The following MYPN variants were observed in gnomAD, a reference collection of about 807,000 sequenced individuals.
The protein encoded by MYPN is myopalladin, also known as sarcomeric protein myopalladin, 145 kDa (MYOP).
Under a neutral mutation model 129.4 loss-of-function variants are expected in MYPN, and 63 were observed. The observed-to-expected ratio is 0.49, with a 90% CI of 0.40 to 0.60. The LOEUF is 0.60. MYPN is among the 20% of genes least tolerant of loss of function. The probability of loss-of-function intolerance (pLI) is 0.00; values close to 1 mark genes in which losing one functional copy is unlikely to be tolerated. For missense variants in MYPN, 1,596 were observed against 1,635.4 expected (o/e 0.98, Z 0.42); for synonymous variants, 629 against 600.9 (o/e 1.05, Z -0.68).
At position 68,099,951 on chromosome 10, in the gene MYPN, C is replaced by T. The variant is rs1431769871; in HGVS notation, c.-2+11959C>T. Among the ~76,000 whole-genome samples, 9 of 152,114 alleles carry T rather than the reference C, an allele frequency of 5.9e-5. No individual in the cohort carries two copies. In the South Asian group the frequency reaches 6.2e-4, roughly 11 times the overall value. On this transcript the variant is annotated intron_variant, in intron 1 of 6. Coordinates refer to the MYPN transcript ENST00000685154. ...GGTGTAGCAGACAAGAGCTGGGCTT[C>T]GGCGTTGTATGGACCTTAGATGTGA... is the stretch of plus-strand genomic sequence containing the variant.
chr10:68,099,862 T>C (rs2041973820), intron 1 of MYPN, among the ~76,000 whole-genome samples: 1 of 152,126 alleles, frequency 6.6e-6, no homozygotes, highest in South Asian at 2.1e-4. Context: ...ATCTTCTGTG[T>C]TTTTTTCCAA....
intron 13 of MYPN, among the ~76,000 whole-genome samples, chr10:68,192,472 C>T (rs10998008): frequency 0.63 from 94,828 of 149,458 alleles, 31,024 homozygotes; most frequent in Non-Finnish European, 0.72. Flanking sequence ...GTTGTTGTTG[C>T]TGTTGTTGTT....
At chr10:68,124,739 A>C (rs1226479832) in intron 2 of MYPN, among the ~76,000 whole-genome samples, 1 of 152,212 alleles carries the variant, frequency 6.6e-6, no homozygotes, top group East Asian at 1.9e-4. Context: ...TGGATAAAGA[A>C]ACAGGAAAAC....
At position 68,145,467 on chromosome 10, in the gene MYPN, T is replaced by A; in HGVS notation, c.1079-8T>A. 6.2e-7 allele frequency: 1 copy of A among 1,612,008 alleles called. No individual in the cohort carries two copies. On this transcript the variant is annotated splice_region_variant and splice_polypyrimidine_tract_variant and intron_variant, in intron 3 of 19. Coordinates refer to ENST00000358913, the MANE Select transcript of MYPN (RefSeq NM_032578.4). The stretch of plus-strand genomic sequence containing the variant: ...TAACAATCTTATGTCTTGTTTTTAT[T>A]TTTCCAGGGGTTTCTTCTTCTGACT...
chr10:68,178,910 T>A (rs1049175676), intron 12 of MYPN, among the ~76,000 whole-genome samples: 2 of 151,922 alleles, frequency 1.3e-5, no homozygotes, highest in Non-Finnish European at 2.9e-5. Context: ...CCAACTTTCC[T>A]CCTTGACCTC....
In MYPN at chr10:68,175,304, G is replaced by C. The variant is rs1402408003; in HGVS notation, c.2565-19G>C. The C allele has an allele frequency of 3.1e-6, 5 of 1,613,828 alleles. No homozygotes were observed. The highest frequency in any genetic ancestry group is 4.2e-6 in the Non-Finnish European group (5 of 1,179,844). On this transcript the variant is annotated intron_variant, in intron 11 of 19. Coordinates refer to ENST00000358913, the MANE Select transcript of MYPN (RefSeq NM_032578.4). ...CCAGTGCTTTTCATGGGTGTGTCAG[G>C]TGTGGATTTATCTTACAGGCCATCC...
In MYPN at chr10:68,199,693, C is replaced by G. The variant is rs71534279; in HGVS notation, c.3493+118C>G. 2.7e-5 allele frequency: 27 copies of G among 1,010,788 alleles called. No homozygotes were observed. The South Asian group carries it at 3.5e-4, about 13-fold the overall frequency. 62.6% of individuals were successfully genotyped at this position (1,010,788 alleles called of 1,614,324 possible). Reference sequence around the variant, plus strand: ...CCCTACTAACTCCAATCTCAATTTCCCCTTCACTGTGGTAGGGGTGGTATT... The same window carrying G: ...CCCTACTAACTCCAATCTCAATTTCGCCTTCACTGTGGTAGGGGTGGTATT... On this transcript the variant is annotated intron_variant, in intron 17 of 19. Transcript: ENST00000358913.
chr10:68,153,540 C>T (rs541480656), intron 6 of MYPN, among the ~76,000 whole-genome samples: 2 of 152,264 alleles, frequency 1.3e-5, no homozygotes, highest in East Asian at 3.9e-4. Context: ...CCTGACGAGG[C>T]TTTCTCAGCC....
Position 68,188,927 on chromosome 10 carries a change from A to C in MYPN, c.2726A>C (p.Glu909Ala), listed in dbSNP as rs1554849161. ...NQQEYKISSF[E>A]QRLMNEIEFR... ...CAGGAGTACAAAATTTCAAGCTTTGAGCAGAGGCTGATGAATGAAATAGAG... is the reference window on the plus strand; with the variant it reads ...CAGGAGTACAAAATTTCAAGCTTTGCGCAGAGGCTGATGAATGAAATAGAG... The change falls in exon 13 of 20, where the codon GAG becomes GCG. Residue 909 changes from glutamate (E) to alanine (A), a missense_variant. By Grantham distance (107) the Glu-to-Ala change is moderately radical. Transcript: ENST00000358913. 1.9e-6 allele frequency: 3 copies of C among 1,614,018 alleles called. No homozygotes were observed. The highest frequency in any genetic ancestry group is 2.5e-6 in the Non-Finnish European group (3 of 1,179,982).
chr10:68,164,482 C>T lies in MYPN; in HGVS notation c.1484-1220C>T, dbSNP rs955777502. The stretch of plus-strand genomic sequence containing the variant: ...TGGGGGACATGTTCAAATAGCAATA[C>T]TCAATACTACCTGCCATGCCCCACT... On this transcript the variant is annotated intron_variant, in intron 8 of 19. Transcript: ENST00000358913. Among the ~76,000 whole-genome samples, 8 of 152,344 alleles carry T rather than the reference C, an allele frequency of 5.3e-5. 1 individual carries two copies. In the South Asian group the frequency reaches 1.7e-3, roughly 32 times the overall value.
chr10:68,199,312 T>C, intron 16 of MYPN, 56 bp from the exon 17 acceptor site: 1 of 1,540,600 alleles, frequency 6.5e-7, no homozygotes, highest in Non-Finnish European at 8.9e-7. Flanking sequence ...AATTCAGCCA[T>C]CAAATAAATG....
In MYPN at chr10:68,166,170, C is replaced by G. The variant is rs1224583678; in HGVS notation, c.1601-124C>G. The G allele has an allele frequency of 7.2e-6, 8 of 1,112,060 alleles. No individual in the cohort carries two copies. The Admixed American group carries it at 1.4e-4, about 19-fold the overall frequency. The allele number at this position is 1,112,060 out of a possible 1,614,324, so 68.9% of individuals were successfully genotyped here. On this transcript the variant is annotated intron_variant, in intron 9 of 19. Coordinates refer to ENST00000358913, the MANE Select transcript of MYPN (RefSeq NM_032578.4). ...CATTCTTTAATGCCCAGATGATGAT[C>G]TGTTTTTGACAAGCATTTTCCCATT...
intron 2 of MYPN, among the ~76,000 whole-genome samples, chr10:68,130,302 A>G (rs1203875277): frequency 1.3e-5 from 2 of 152,162 alleles, no homozygotes; most frequent in African/African-American, 4.8e-5. Flanking sequence ...TCTACTAAAA[A>G]TACAAAAATT....
intron 10 of MYPN, among the ~76,000 whole-genome samples, chr10:68,172,830 T>A (rs933741217): frequency 6.6e-6 from 1 of 152,134 alleles, no homozygotes; most frequent in African/African-American, 2.4e-5. Context: ...CCCACCAGTT[T>A]GGGAGGCCAA....
intron 13 of MYPN, 110 bp downstream of exon 13, chr10:68,189,236 T>G: frequency 2.6e-6 from 2 of 783,618 alleles, no homozygotes; most frequent in Non-Finnish European, 4.4e-6. Context: ...TTTTTTGTAT[T>G]TGTTATTGAT....
At chr10:68,148,745 C>T (rs1485460102) in intron 5 of MYPN, among the ~76,000 whole-genome samples, 4 of 152,202 alleles carry the variant, frequency 2.6e-5, no homozygotes, top group East Asian at 3.8e-4. Flanking sequence ...ATGCAGTGAG[C>T]TGTCAGCTCT....
intron 10 of MYPN, among the ~76,000 whole-genome samples, chr10:68,169,112 A>G (rs2043101125): frequency 1.4e-5 from 2 of 147,778 alleles, no homozygotes; most frequent in South Asian, 2.1e-4. Flanking sequence ...TTGGGAGGCC[A>G]AGGCGGGCGG....
chr10:68,136,798 T>C (rs2042493968), intron 2 of MYPN: 1 of 1,457,422 alleles, frequency 6.9e-7, no homozygotes, highest in Non-Finnish European at 9.3e-7. Context: ...TGGAAAGTAT[T>C]AGTTTTGAAA....
intron 10 of MYPN, 45 bp downstream of exon 10, chr10:68,166,711 T>A (rs71535755): frequency 8.0e-4 from 1,293 of 1,608,872 alleles, no homozygotes; most frequent in Non-Finnish European, 9.9e-4. Flanking sequence ...CTGTGATCTT[T>A]TCTTGAATCT....
Sources: gnomAD v4.1 joint callset for allele counts (sites outside exome capture counted in the v4.1 genomes callset) on GRCh38, gnomAD v4.1.1 for gene constraint, MANE v1.5 for transcripts, NCBI Gene and HGNC (gene_info 2026-07-23, HGNC 2026-07-21) for gene names.